DPY19L4: variants seen among roughly 807,000 people sequenced by gnomAD.
DPY19L4 encodes the protein probable C-mannosyltransferase DPY19L4.
A neutral mutation model predicts 102.8 loss-of-function variants in DPY19L4; 97 were observed. The observed-to-expected ratio is 0.94, with a 90% CI of 0.80 to 1.12. DPY19L4 has a LOEUF of 1.12. DPY19L4 is among the 50% of genes most tolerant of loss of function. DPY19L4 has a pLI of 0.00. For missense variants in DPY19L4, 815 were observed against 850.4 expected, an observed-to-expected ratio of 0.96 and a Z score of 0.52; for synonymous variants, 252 against 283.1, an observed-to-expected ratio of 0.89 and a Z score of 1.10.
At position 94,734,729 on chromosome 8, in the gene DPY19L4, G is replaced by A. The variant is rs779751301; in HGVS notation, c.227G>A (p.Arg76Gln). The A allele has an allele frequency of 5.0e-6, 8 of 1,613,338 alleles. No individual in the cohort carries two copies. Among genetic ancestry groups the A allele is most frequent in the East Asian group, 2.2e-5 (1 of 44,848 alleles). ...YALYLSAYHE[R>Q]KFWFSNRQEL... ...CTCTACTTATCAGCATACCATGAAC[G>A]GAAATTCTGGTTTTCCAACAGGCAG... is the stretch of plus-strand genomic sequence containing the variant. The change falls in exon 3 of 19, where the codon CGG becomes CAG. Residue 76 changes from arginine to glutamine, a missense_variant. By Grantham distance (43) the Arg-to-Gln change is conservative. Coordinates refer to ENST00000414645, the MANE Select transcript of DPY19L4 (RefSeq NM_181787.3).
chr8:94,768,717 G>A (rs1212322460), intron 12 of DPY19L4, among the ~76,000 whole-genome samples, 164 bp downstream of exon 12: 1 of 152,044 alleles, frequency 6.6e-6, no homozygotes, highest in African/African-American at 2.4e-5. Flanking sequence ...GTGTTGGCCA[G>A]GTGCGGTGGC....
intron 6 of DPY19L4, among the ~76,000 whole-genome samples, chr8:94,753,320 G>C (rs989017020): frequency 2.0e-5 from 3 of 152,108 alleles, no homozygotes; most frequent in Non-Finnish European, 2.9e-5. Context: ...GAAGAGTTTT[G>C]ATTCTGTAAA....
intron 12 of DPY19L4, among the ~76,000 whole-genome samples, chr8:94,769,124 C>T (rs544291185): frequency 1.0e-4 from 15 of 145,958 alleles, no homozygotes; most frequent in East Asian, 8.2e-4. Context: ...TGCAGTGGCA[C>T]GATCTCGGCT....
Position 94,748,107 on chromosome 8 carries a change from G to A in DPY19L4, c.612-7929G>A, listed in dbSNP as rs115751066. On this transcript the variant is annotated intron_variant, in intron 6 of 18. Coordinates refer to ENST00000414645, the MANE Select transcript of DPY19L4 (RefSeq NM_181787.3). Reference sequence around the variant, plus strand: ...TTACTCCCACCACACATTGTCAGGGGAAGAGAGTGAGTAGCATAGGTGTCG... The same window carrying A: ...TTACTCCCACCACACATTGTCAGGGAAAGAGAGTGAGTAGCATAGGTGTCG... Among the ~76,000 whole-genome samples the A allele has an allele frequency of 4.9e-3, 743 of 152,276 alleles. 4 individuals carry two copies. The highest frequency in any genetic ancestry group is 0.031 in the Middle Eastern group (9 of 294).
In DPY19L4 at chr8:94,791,648, C is replaced by T. The variant is rs1012956067; in HGVS notation, c.*1738C>T. Reference sequence around the variant, plus strand: ...AACAATGTAATTGAAAAGTCAGCTTCCATATTTTGTAGGGGAAATAGAACA... The same window carrying T: ...AACAATGTAATTGAAAAGTCAGCTTTCATATTTTGTAGGGGAAATAGAACA... On this transcript the variant is annotated 3_prime_UTR_variant, in exon 19 of 19. Coordinates refer to ENST00000414645, the MANE Select transcript of DPY19L4 (RefSeq NM_181787.3). 1 of 151,758 alleles carries T rather than the reference C, an allele frequency of 6.6e-6. No homozygotes were observed. Among genetic ancestry groups the T allele is most frequent in the Non-Finnish European group, 1.5e-5 (1 of 67,944 alleles). 9.4% of individuals were successfully genotyped at this position (151,758 alleles called of 1,614,324 possible).
At chr8:94,784,999 A>G (rs563717837) in intron 17 of DPY19L4, among the ~76,000 whole-genome samples, 49 of 152,268 alleles carry the variant, frequency 3.2e-4, no homozygotes, top group African/African-American at 1.1e-3. Flanking sequence ...TCTGTTTTTC[A>G]ATTTTAGATA....
Position 94,789,920 on chromosome 8 carries a change from G to C in DPY19L4, c.*10G>C, listed in dbSNP as rs759527888. The stretch of plus-strand genomic sequence containing the variant: ...ATCCTTCCAGTCTTGAAAAATAACA[G>C]AGCCTTCATTTCAAAGACTACCTGA... On this transcript the variant is annotated 3_prime_UTR_variant, in exon 19 of 19. Coordinates refer to ENST00000414645, the MANE Select transcript of DPY19L4 (RefSeq NM_181787.3). The C allele has an allele frequency of 2.5e-6, 4 of 1,581,878 alleles. No individual in the cohort carries two copies. The highest frequency in any genetic ancestry group is 3.4e-6 in the Non-Finnish European group (4 of 1,170,654).
intron 4 of DPY19L4, 52 bp downstream of exon 4, chr8:94,738,511 C>CTT: frequency 1.8e-6 from 2 of 1,121,304 alleles, no homozygotes; most frequent in Non-Finnish European, 2.4e-6. Context: ...TTTTTCTTTT[C>CTT]TTTTCTTTTT....
At chr8:94,757,487 G>A (rs1233557235) in intron 7 of DPY19L4, among the ~76,000 whole-genome samples, 1 of 151,864 alleles carries the variant, frequency 6.6e-6, no homozygotes, top group Admixed American at 6.6e-5. Flanking sequence ...TCTGCTCACT[G>A]CAACCTCTGC....
chr8:94,736,458 C>T (rs1365800774), intron 3 of DPY19L4, among the ~76,000 whole-genome samples: 1 of 152,168 alleles, frequency 6.6e-6, no homozygotes, highest in African/African-American at 2.4e-5. Context: ...TATTTAACTA[C>T]AGAATTCTTT....
intron 14 of DPY19L4, among the ~76,000 whole-genome samples, chr8:94,778,096 A>G (rs1326174391): frequency 1.3e-5 from 2 of 152,010 alleles, no homozygotes; most frequent in African/African-American, 4.8e-5. Flanking sequence ...TTAGCTGGGC[A>G]TGGTGGCGCA....
At chr8:94,745,922 T>C (rs1475671698) in intron 6 of DPY19L4, among the ~76,000 whole-genome samples, 1 of 151,912 alleles carries the variant, frequency 6.6e-6, no homozygotes, top group Non-Finnish European at 1.5e-5. Flanking sequence ...ACCCACCTAA[T>C]TTTGTGTTTT....
In DPY19L4 at chr8:94,770,437, A is replaced by G. The variant is rs923307164; in HGVS notation, c.1335-15A>G. ...ACATTTTCAAAGTATTAAAAAATAC[A>G]TTTTCTTTTTGTAGTGGTAAGTCCC... is the stretch of plus-strand genomic sequence containing the variant. On this transcript the variant is annotated splice_polypyrimidine_tract_variant and intron_variant, in intron 12 of 18. Coordinates refer to ENST00000414645, the MANE Select transcript of DPY19L4 (RefSeq NM_181787.3). The G allele has an allele frequency of 6.3e-7, 1 of 1,593,642 alleles. No individual in the cohort carries two copies. The highest frequency in any genetic ancestry group is 8.5e-7 in the Non-Finnish European group (1 of 1,174,196).
chr8:94,752,810 G>A lies in DPY19L4; in HGVS notation c.612-3226G>A, dbSNP rs558758893. ...CTCCGGAGTAGCTGGGACTACAGGC[G>A]GTCGCCACCATGCCCGGCTAATTTT... On this transcript the variant is annotated intron_variant, in intron 6 of 18. Transcript: ENST00000414645. Among the ~76,000 whole-genome samples the A allele has an allele frequency of 1.7e-4, 25 of 150,830 alleles. No homozygotes were observed. The East Asian group carries it at 5.0e-3, about 30-fold the overall frequency.
At chr8:94,768,651 T>G in intron 12 of DPY19L4, 98 bp downstream of exon 12, 3 of 783,980 alleles carry the variant, frequency 3.8e-6, no homozygotes, top group Non-Finnish European at 1.8e-6. Context: ...TGTATTTGTT[T>G]TAGAGCTTCT....
At chr8:94,783,429 T>C (rs550394740) in intron 16 of DPY19L4, among the ~76,000 whole-genome samples, 4 of 152,020 alleles carry the variant, frequency 2.6e-5, no homozygotes, top group African/African-American at 4.8e-5. Flanking sequence ...TTACTTCTTA[T>C]TGTCTTCCCC....
At position 94,734,644 on chromosome 8, in the gene DPY19L4, C is replaced by T. The variant is rs570665836; in HGVS notation, c.142C>T (p.Arg48Cys). 181 of 1,613,530 alleles carry T rather than the reference C, an allele frequency of 1.1e-4. No individual in the cohort carries two copies. The highest frequency in any genetic ancestry group is 1.7e-4 in the Middle Eastern group (1 of 6,056). ...TACTTTTTCAGATGTATTATTTCAA[C>T]GCTTTGCAAAGATTTTCATTGGCTG... ...ERAPKHVLFQ[R>C]FAKIFIGCLA... Residue 48 changes from arginine to cysteine, a missense_variant, in exon 3 of 19, where the codon CGC (arginine) becomes TGC (cysteine). Coordinates refer to ENST00000414645, the MANE Select transcript of DPY19L4 (RefSeq NM_181787.3).
rs1183348221 is a variant in DPY19L4, at chr8:94,791,209, C to T, written c.*1299C>T. On this transcript the variant is annotated 3_prime_UTR_variant, in exon 19 of 19. Transcript: ENST00000414645. ...GCATTTTCAGTACTCTAAATTACTACATTAGAAGAGAGCATTTCTCCATTG... is the reference window on the plus strand; with the variant it reads ...GCATTTTCAGTACTCTAAATTACTATATTAGAAGAGAGCATTTCTCCATTG... 1 of 152,132 alleles carries T rather than the reference C, an allele frequency of 6.6e-6. No individual in the cohort carries two copies. The highest frequency in any genetic ancestry group is 2.4e-5 in the African/African-American group (1 of 41,456). 9.4% of individuals were successfully genotyped at this position (152,132 alleles called of 1,614,324 possible).
intron 6 of DPY19L4, among the ~76,000 whole-genome samples, chr8:94,755,480 C>T (rs988494753): frequency 2.0e-5 from 3 of 152,112 alleles, no homozygotes; most frequent in Non-Finnish European, 4.4e-5. Flanking sequence ...ATGCCTTCTT[C>T]AATCTCTCAC....
Sources: allele counts gnomAD v4.1 joint callset (sites outside exome capture counted in the v4.1 genomes callset), GRCh38; gene constraint gnomAD v4.1.1; transcripts MANE v1.5; gene names NCBI Gene and HGNC (gene_info 2026-07-23, HGNC 2026-07-21).